The following CLSTN2 variants were observed in gnomAD, a reference collection of about 807,000 sequenced individuals.
CLSTN2 encodes the protein calsyntenin 2, also known as calsyntenin-2.
CLSTN2 carries 48 observed loss-of-function variants against 101.2 expected under a neutral mutation model. The observed-to-expected ratio is 0.47, with a 90% CI of 0.38 to 0.60. The LOEUF (loss-of-function observed/expected upper bound fraction) is 0.60, where lower values mean the gene tolerates loss of function less well. CLSTN2 is among the 20% of genes least tolerant of loss of function. CLSTN2 has a pLI of 0.00. For synonymous variants in CLSTN2, 481 were observed against 463.6 expected (o/e 1.04, Z -0.48); for missense variants, 1,160 against 1,238.2 (o/e 0.94, Z 0.95).
chr3:140,410,331 G>A (rs2088349180), intron 4 of CLSTN2, among the ~76,000 whole-genome samples: 2 of 149,724 alleles, frequency 1.3e-5, no homozygotes, highest in South Asian at 4.2e-4. Flanking sequence ...CCTCACTGAA[G>A]CTATCAGTAT....
chr3:139,938,572 A>C (rs1480729223), intron 1 of CLSTN2, among the ~76,000 whole-genome samples: 1 of 152,234 alleles, frequency 6.6e-6, no homozygotes, highest in Non-Finnish European at 1.5e-5. Context: ...CTTGGATTCC[A>C]TGAAGAGACC....
chr3:139,945,902 C>A (rs912867633), intron 1 of CLSTN2, among the ~76,000 whole-genome samples: 2 of 152,166 alleles, frequency 1.3e-5, no homozygotes, highest in African/African-American at 2.4e-5. Flanking sequence ...AATCACATTT[C>A]TATAAATTAA....
At chr3:140,137,293 C>A (rs1012833086) in intron 1 of CLSTN2, among the ~76,000 whole-genome samples, 10 of 152,096 alleles carry the variant, frequency 6.6e-5, no homozygotes, top group Admixed American at 2.6e-4. Flanking sequence ...ATATAGGATT[C>A]TTTTGATATA....
intron 1 of CLSTN2, among the ~76,000 whole-genome samples, chr3:139,943,865 C>T (rs1375852282): frequency 6.6e-6 from 1 of 152,172 alleles, no homozygotes; most frequent in African/African-American, 2.4e-5. Flanking sequence ...AGAACTTCTG[C>T]CTTCATCCTT....
At chr3:140,506,681 G>C (rs1213339470) in intron 8 of CLSTN2, 1 of 152,172 alleles carries the variant, frequency 6.6e-6, no homozygotes, top group Non-Finnish European at 1.5e-5. Flanking sequence ...AAGTGGATGT[G>C]GTTCTTATCC....
intron 2 of CLSTN2, among the ~76,000 whole-genome samples, chr3:140,219,528 A>C (rs949822824): frequency 3.3e-5 from 5 of 152,090 alleles, no homozygotes; most frequent in African/African-American, 1.2e-4. Context: ...TTTCTTCTTG[A>C]TGTATTTTTA....
At chr3:140,182,044 G>A (rs2010415938) in intron 2 of CLSTN2, among the ~76,000 whole-genome samples, 1 of 152,164 alleles carries the variant, frequency 6.6e-6, no homozygotes, top group Non-Finnish European at 1.5e-5. Flanking sequence ...TTCTGATCAT[G>A]TCCAGGAGAA....
intron 1 of CLSTN2, among the ~76,000 whole-genome samples, chr3:140,080,677 C>T (rs1046310796): frequency 2.6e-5 from 4 of 152,272 alleles, no homozygotes; most frequent in Admixed American, 2.0e-4. Context: ...GTCCCATCTG[C>T]AGTTCAAGCT....
At chr3:140,402,605 C>T (rs1400441112) in intron 2 of CLSTN2, among the ~76,000 whole-genome samples, 1 of 152,140 alleles carries the variant, frequency 6.6e-6, no homozygotes, top group East Asian at 1.9e-4. Flanking sequence ...AAGAAGGTGC[C>T]TGGGTTAACC....
At chr3:140,218,188 T>C (rs558338758) in intron 2 of CLSTN2, among the ~76,000 whole-genome samples, 1 of 152,340 alleles carries the variant, frequency 6.6e-6, no homozygotes, top group African/African-American at 2.4e-5. Flanking sequence ...TCCCAATTCT[T>C]GTAAGAAAAT....
In CLSTN2 at chr3:140,575,296, G is replaced by T. The variant is rs942930400; in HGVS notation, c.*9043G>T. On this transcript the variant is annotated 3_prime_UTR_variant, in exon 17 of 17. Transcript: ENST00000458420. ...AGTTGGAGAGGAAACAGGAGAGTGG[G>T]TACAAGTGACAGCACCAGGAACAAC... The T allele has an allele frequency of 6.6e-6, 1 of 152,176 alleles. No individual in the cohort carries two copies. Among genetic ancestry groups the T allele is most frequent in the Non-Finnish European group, 1.5e-5 (1 of 68,056 alleles). 9.4% of individuals were successfully genotyped at this position (152,176 alleles called of 1,614,324 possible).
At chr3:140,030,972 A>C (rs1471451733) in intron 1 of CLSTN2, among the ~76,000 whole-genome samples, 1 of 152,222 alleles carries the variant, frequency 6.6e-6, no homozygotes, top group African/African-American at 2.4e-5. Flanking sequence ...TGTTTATGTC[A>C]GCCCTTCTGT....
At chr3:140,401,631 G>C (rs569303866) in intron 2 of CLSTN2, among the ~76,000 whole-genome samples, 83 of 152,286 alleles carry the variant, frequency 5.5e-4, no homozygotes, top group African/African-American at 1.7e-3. Flanking sequence ...TTCTAGGTTT[G>C]ACTTGAGTCT....
At chr3:140,062,545 T>G (rs1367346759) in intron 1 of CLSTN2, among the ~76,000 whole-genome samples, 1 of 152,220 alleles carries the variant, frequency 6.6e-6, no homozygotes, top group Non-Finnish European at 1.5e-5. Flanking sequence ...AAATAATAAA[T>G]GTTTGTAACC....
chr3:140,163,003 G>A (rs1361145459), intron 1 of CLSTN2, among the ~76,000 whole-genome samples: 1 of 152,156 alleles, frequency 6.6e-6, no homozygotes, highest in Non-Finnish European at 1.5e-5. Flanking sequence ...AGAGAAATTT[G>A]TACTATCCTA....
chr3:140,171,803 G>GTATTATATAATATATATAATATA (rs2010235430), intron 1 of CLSTN2, among the ~76,000 whole-genome samples: 1 of 90,996 alleles, frequency 1.1e-5, no homozygotes, highest in African/African-American at 4.3e-5. Context: ...TATATAATAT[G>GTATTATATAATATATATAATATA]TATTATATAT....
intron 8 of CLSTN2, among the ~76,000 whole-genome samples, chr3:140,513,579 C>CTTTTTTTTTTTTT (rs1393793646): frequency 1.7e-5 from 1 of 59,520 alleles, no homozygotes; most frequent in Non-Finnish European, 3.6e-5. Context: ...CTTTTTTTTT[C>CTTTTTTTTTTTTT]TTTCTTTTTT....
intron 1 of CLSTN2, among the ~76,000 whole-genome samples, chr3:139,956,446 C>T (rs530940412): frequency 7.2e-5 from 11 of 152,246 alleles, no homozygotes; most frequent in African/African-American, 2.4e-4. Context: ...TAGTCACCCC[C>T]GCTGGGCTTG....
intron 1 of CLSTN2, among the ~76,000 whole-genome samples, chr3:140,030,202 G>C (rs2007517440): frequency 6.6e-6 from 1 of 152,074 alleles, no homozygotes; most frequent in Non-Finnish European, 1.5e-5. Flanking sequence ...CTGTCCTGGG[G>C]ACTTCACATA....
Sources: allele counts gnomAD v4.1 joint callset (sites outside exome capture counted in the v4.1 genomes callset), GRCh38; gene constraint gnomAD v4.1.1; transcripts MANE v1.5; gene names NCBI Gene and HGNC (gene_info 2026-07-23, HGNC 2026-07-21).